The following RALGPS2 variants were observed in gnomAD, a reference collection of about 807,000 sequenced individuals.
The protein encoded by RALGPS2 is ras-specific guanine nucleotide-releasing factor RalGPS2.
In RALGPS2, 43 loss-of-function variants were observed where a neutral mutation model predicts 86.8. That is an observed-to-expected ratio of 0.50 (90% CI 0.39 to 0.64). The LOEUF is 0.64. Ranked by LOEUF, RALGPS2 falls within the 30% of genes least tolerant of loss-of-function variation. The pLI is 0.00. For synonymous variants in RALGPS2, 243 were observed against 231.3 expected (o/e 1.05, Z -0.46); for missense variants, 536 against 694.6 (o/e 0.77, Z 2.57).
chr1:178,754,063 C>G (rs1651826577), intron 1 of RALGPS2, among the ~76,000 whole-genome samples: 1 of 151,752 alleles, frequency 6.6e-6, no homozygotes, highest in African/African-American at 2.4e-5. Flanking sequence ...ACCTCGTGAT[C>G]CGCCCGCCTC....
chr1:178,737,120 C>T (rs1403114696), intron 1 of RALGPS2, among the ~76,000 whole-genome samples: 1 of 152,092 alleles, frequency 6.6e-6, no homozygotes. Context: ...GCAAGATGCA[C>T]TATTTATGTA....
At chr1:178,813,543 C>G (rs1352615542) in intron 6 of RALGPS2, among the ~76,000 whole-genome samples, 2 of 152,236 alleles carry the variant, frequency 1.3e-5, no homozygotes, top group East Asian at 3.9e-4. Flanking sequence ...AGGTCTCTTA[C>G]TTGAGTATTG....
intron 4 of RALGPS2, among the ~76,000 whole-genome samples, chr1:178,789,542 G>A (rs901226525): frequency 1.3e-5 from 2 of 152,226 alleles, no homozygotes; most frequent in Non-Finnish European, 2.9e-5. Context: ...TAGAGGAACA[G>A]ATTTTGCAGG....
In RALGPS2 at chr1:178,921,118, G is replaced by T; in HGVS notation, c.*4759G>T. 6.6e-6 allele frequency: 1 copy of T among 151,968 alleles called. No individual in the cohort carries two copies. 9.4% of individuals were successfully genotyped at this position (151,968 alleles called of 1,614,324 possible). A position where few individuals can be genotyped will look rare whatever the true frequency, so the allele number is the denominator to read the frequency against. On this transcript the variant is annotated 3_prime_UTR_variant, in exon 20 of 20. Coordinates refer to ENST00000367635, the MANE Select transcript of RALGPS2 (RefSeq NM_152663.5). ...TTTTTTAAAGGGCTAGTATGTTCCA[G>T]AGTAGGCAAGTAGTCATTCAAGCCA...
At position 178,740,474 on chromosome 1, in the gene RALGPS2, C is replaced by G. The variant is rs560995760; in HGVS notation, c.-84+15055C>G. 2.0e-5 allele frequency among the ~76,000 whole-genome samples: 3 copies of G among 152,172 alleles called. No individual in the cohort carries two copies. The East Asian group carries it at 5.8e-4, about 29-fold the overall frequency. ...AACATGGAGTTAATTTACCATTGAACCATGGGAGCTGAAGCTGCAAAGATG... is the reference window on the plus strand; with the variant it reads ...AACATGGAGTTAATTTACCATTGAAGCATGGGAGCTGAAGCTGCAAAGATG... On this transcript the variant is annotated intron_variant, in intron 1 of 19. Transcript: ENST00000367635.
intron 14 of RALGPS2, among the ~76,000 whole-genome samples, chr1:178,891,747 A>T (rs1214778077): frequency 2.0e-5 from 3 of 152,088 alleles, no homozygotes; most frequent in African/African-American, 4.8e-5. Context: ...TATAAAGGAT[A>T]AAGAGGAAAA....
rs961943927 is a variant in RALGPS2, at chr1:178,877,527, G to C, written c.637G>C (p.Asp213His). ...GIYLSDLTYI[D>H]SAYPSTGSIL... The stretch of plus-strand genomic sequence containing the variant: ...CTATTTGTCAGATTTAACATACATC[G>C]ATTCAGCATACCCATCAACTGGCAG... The change falls in exon 9 of 20, where the codon GAT becomes CAT. Residue 213 changes from aspartate to histidine, a missense_variant. Physicochemically the swap from Asp to His is moderately conservative, Grantham distance 81. Around this residue, in one of 3 missense-constraint regions of RALGPS2, gnomAD observed 184 missense variants for 296.7 expected, o/e 0.62. Coordinates refer to ENST00000367635, the MANE Select transcript of RALGPS2 (RefSeq NM_152663.5). The C allele has an allele frequency of 6.2e-7, 1 of 1,613,202 alleles. No individual in the cohort carries two copies. Among genetic ancestry groups the C allele is most frequent in the Non-Finnish European group, 8.5e-7 (1 of 1,179,518 alleles).
At chr1:178,879,033 T>C (rs1326480740) in intron 10 of RALGPS2, 41 bp downstream of exon 10, 1 of 1,600,200 alleles carries the variant, frequency 6.2e-7, no homozygotes, top group Admixed American at 1.7e-5. Context: ...AACTTTGTCC[T>C]GTCCTCCACC....
chr1:178,841,219 A>T (rs1174600253), intron 8 of RALGPS2, among the ~76,000 whole-genome samples: 1 of 151,938 alleles, frequency 6.6e-6, no homozygotes, highest in African/African-American at 2.4e-5. Context: ...TTAGACCAAT[A>T]TCCTTGATGA....
rs111361592 is a variant in RALGPS2 at position 178,904,617 on chromosome 1, C to T, written c.1631-2159C>T. ...GTTAGTTAAAAAGGGTGTCCTTTCCCCACTTTATGTTTTTGTTTGCTTTGT... is the reference window on the plus strand; with the variant it reads ...GTTAGTTAAAAAGGGTGTCCTTTCCTCACTTTATGTTTTTGTTTGCTTTGT... On this transcript the variant is annotated intron_variant, in intron 18 of 19. Coordinates refer to ENST00000367635, the MANE Select transcript of RALGPS2 (RefSeq NM_152663.5). Among the ~76,000 whole-genome samples, 1,503 of 152,260 alleles carry T rather than the reference C, an allele frequency of 9.9e-3. 24 individuals carry two copies. The highest frequency in any genetic ancestry group is 0.034 in the African/African-American group (1,433 of 41,556).
intron 6 of RALGPS2, among the ~76,000 whole-genome samples, chr1:178,815,294 A>T (rs1231342631): frequency 2.0e-5 from 3 of 151,972 alleles, no homozygotes; most frequent in Admixed American, 2.0e-4. Flanking sequence ...CATGTTGGTC[A>T]GGCTGGTCTT....
chr1:178,784,913 G>A (rs1355092997), intron 3 of RALGPS2, among the ~76,000 whole-genome samples: 2 of 151,860 alleles, frequency 1.3e-5, no homozygotes, highest in Non-Finnish European at 2.9e-5. Flanking sequence ...TAGATGAAAG[G>A]TATCTAGAAA....
chr1:178,766,738 T>A lies in RALGPS2; in HGVS notation c.-83-9944T>A, dbSNP rs111474310. 4.9e-3 allele frequency among the ~76,000 whole-genome samples: 751 copies of A among 152,292 alleles called. 7 individuals carry two copies. Among genetic ancestry groups the A allele is most frequent in the African/African-American group, 0.016 (682 of 41,566 alleles). On this transcript the variant is annotated intron_variant, in intron 1 of 19. Transcript: ENST00000367635. ...ACTGTGTGTCTTGGGGTTGGTCTTC[T>A]TGTGTAGTATTTTTCAGGGGTTCTC...
At chr1:178,776,915 C>T in intron 2 of RALGPS2, 94 bp downstream of exon 2, 2 of 908,370 alleles carry the variant, frequency 2.2e-6, no homozygotes, top group Non-Finnish European at 1.7e-6. Flanking sequence ...ATCAGAAGTG[C>T]ATTTAGTGCA....
At chr1:178,735,256 T>G (rs1043868863) in intron 1 of RALGPS2, among the ~76,000 whole-genome samples, 1 of 152,004 alleles carries the variant, frequency 6.6e-6, no homozygotes, top group African/African-American at 2.4e-5. Flanking sequence ...GAGTACGTAC[T>G]CCATGAAGTC....
intron 1 of RALGPS2, among the ~76,000 whole-genome samples, chr1:178,730,563 C>T (rs1650278824): frequency 6.9e-6 from 1 of 145,176 alleles, no homozygotes; most frequent in Non-Finnish European, 1.5e-5. Flanking sequence ...GGTAATTGAC[C>T]CTTCAGTTTT....
In RALGPS2 at chr1:178,770,697, G is replaced by A. The variant is rs1413896789; in HGVS notation, c.-83-5985G>A. Among the ~76,000 whole-genome samples the A allele has an allele frequency of 4.6e-5, 7 of 151,618 alleles. 1 individual carries two copies. The South Asian group carries it at 6.3e-4, about 14-fold the overall frequency. On this transcript the variant is annotated intron_variant, in intron 1 of 19. Transcript: ENST00000367635. ...TCACCATGTTGGCCAGGCTGGTCTC[G>A]AACTCCTAATCTCAGGTGATCCATC... is the stretch of plus-strand genomic sequence containing the variant.
intron 8 of RALGPS2, among the ~76,000 whole-genome samples, chr1:178,871,252 G>C (rs1246869449): frequency 2.0e-5 from 3 of 152,076 alleles, no homozygotes; most frequent in Non-Finnish European, 4.4e-5. Context: ...AGGAGAGATT[G>C]TGTGCAGGTT....
At chr1:178,879,170 A>G in intron 10 of RALGPS2, 178 bp downstream of exon 10, 1 of 755,364 alleles carries the variant, frequency 1.3e-6, no homozygotes. Flanking sequence ...GATTGAGCCA[A>G]TATACAAATA....
Sources: gnomAD v4.1 joint callset for allele counts (sites outside exome capture counted in the v4.1 genomes callset) on GRCh38, gnomAD v4.1.1 for gene constraint, gnomAD v4.1.1 regional missense constraint, MANE v1.5 for transcripts, NCBI Gene and HGNC (gene_info 2026-07-23, HGNC 2026-07-21) for gene names.